The following YTHDF3 variants were observed in gnomAD, a reference collection of about 807,000 sequenced individuals.
YTHDF3 encodes the protein YTH domain-containing family protein 3.
YTHDF3 carries 9 observed loss-of-function variants against 52.5 expected under a neutral mutation model. The ratio of observed to expected loss-of-function variants is 0.17; its 90% CI spans 0.10 to 0.30. The LOEUF (loss-of-function observed/expected upper bound fraction) is 0.30. YTHDF3 is among the 10% of genes least tolerant of loss of function. YTHDF3 has a pLI of 1.00. For missense variants in YTHDF3, 534 were observed against 715.0 expected, an observed-to-expected ratio of 0.75 and a Z score of 2.89; for synonymous variants, 274 against 243.3, an observed-to-expected ratio of 1.13 and a Z score of -1.18.
chr8:63,175,414 C>G lies in YTHDF3; in HGVS notation c.133C>G (p.Gln45Glu), dbSNP rs112235239. The stretch of plus-strand genomic sequence containing the variant: ...GCCATACTTAAGTAGCCAGACAAAT[C>G]AGGTAAGTCTTCTGACAGTTTCAGA... ...FEPYLSSQTNQSNSYPPMSDP... is the reference protein window; with the variant it reads ...FEPYLSSQTNESNSYPPMSDP... The change falls in exon 3 of 5, where the codon CAG (glutamine) becomes GAG (glutamate). Residue 45 changes from glutamine (Q) to glutamate (E), a missense_variant and splice_region_variant. Gln to Glu is a conservative substitution (Grantham distance 29). Around this residue, in one of 3 missense-constraint regions of YTHDF3, gnomAD observed 196 missense variants for 299.5 expected, o/e 0.65. Coordinates refer to ENST00000539294, the MANE Select transcript of YTHDF3 (RefSeq NM_152758.6). 1.9e-6 allele frequency: 3 copies of G among 1,609,108 alleles called. No homozygotes were observed. Among genetic ancestry groups the G allele is most frequent in the African/African-American group, 1.3e-5 (1 of 74,812 alleles).
intron 4 of YTHDF3, among the ~76,000 whole-genome samples, chr8:63,206,280 C>T (rs1436277951): frequency 6.6e-6 from 1 of 152,072 alleles, no homozygotes; most frequent in African/African-American, 2.4e-5. Flanking sequence ...TCAGGCTGGT[C>T]TTGAACCCCC....
intron 4 of YTHDF3, among the ~76,000 whole-genome samples, chr8:63,199,917 C>T (rs1809489404): frequency 6.6e-6 from 1 of 152,118 alleles, no homozygotes. Flanking sequence ...AGTGTTTGGT[C>T]TGTTGTGAAT....
In YTHDF3 at chr8:63,210,588, T is replaced by C. The variant is rs930785805; in HGVS notation, c.*882T>C. ...CTGATTGCTATCATGAAGTAAAAAT[T>C]TATTACTCTAGGTATTCACTAGCTA... is the stretch of plus-strand genomic sequence containing the variant. On this transcript the variant is annotated 3_prime_UTR_variant, in exon 5 of 5. Transcript: ENST00000539294. The C allele has an allele frequency of 6.6e-6, 1 of 152,600 alleles. No individual in the cohort carries two copies. Among genetic ancestry groups the C allele is most frequent in the Admixed American group, 6.5e-5 (1 of 15,278 alleles). 9.5% of individuals were successfully genotyped at this position (152,600 alleles called of 1,614,324 possible).
chr8:63,203,947 C>CTTAAAGTGGTGTCTGCTAGGT (rs1809813469), intron 4 of YTHDF3, among the ~76,000 whole-genome samples: 1 of 152,154 alleles, frequency 6.6e-6, no homozygotes, highest in Admixed American at 6.5e-5. Context: ...ACTTCGATTG[C>CTTAAAGTGGTGTCTGCTAGGT]TTAAAGTGGT....
rs750253215 is a variant in YTHDF3 at position 63,209,708 on chromosome 8, C to A, written c.*2C>A. ...GAGAGAAATAGAAACAAACAATAACCGTATGAAGATGTCCTGTTAAATTTA... is the reference window on the plus strand; with the variant it reads ...GAGAGAAATAGAAACAAACAATAACAGTATGAAGATGTCCTGTTAAATTTA... On this transcript the variant is annotated 3_prime_UTR_variant, in exon 5 of 5. Transcript: ENST00000539294. The A allele has an allele frequency of 1.3e-6, 2 of 1,572,398 alleles. No homozygotes were observed. Among genetic ancestry groups the A allele is most frequent in the African/African-American group, 1.4e-5 (1 of 72,802 alleles).
chr8:63,208,108 TTTG>T (rs1810152895), intron 4 of YTHDF3, among the ~76,000 whole-genome samples: 1 of 152,218 alleles, frequency 6.6e-6, no homozygotes, highest in Admixed American at 6.5e-5. Flanking sequence ...TAGCTCTGTT[TTTG>T]TTATTTTAGT....
Position 63,168,627 on chromosome 8 carries a change from A to G in YTHDF3, c.-251A>G. The G allele has an allele frequency of 6.2e-6, 4 of 644,508 alleles. No homozygotes were observed. In the South Asian group the frequency reaches 7.5e-5, roughly 12 times the overall value. 39.9% of individuals were successfully genotyped at this position (644,508 alleles called of 1,614,324 possible). ...GGAGGCTCGGAGCGGAAGTGAGACTAGGGAGTCTGTCCGCCATTGTGGACC... is the reference window on the plus strand; with the variant it reads ...GGAGGCTCGGAGCGGAAGTGAGACTGGGGAGTCTGTCCGCCATTGTGGACC... On this transcript the variant is annotated 5_prime_UTR_variant, in exon 1 of 5. Transcript: ENST00000539294.
chr8:63,180,011 CCGGGCGGGGGG>C (rs1807989861), intron 3 of YTHDF3, among the ~76,000 whole-genome samples: 1 of 149,848 alleles, frequency 6.7e-6, no homozygotes, highest in South Asian at 2.1e-4. Flanking sequence ...GGGCGGCTGG[CCGGGCGGGGGG>C]CTGATCCCCC....
intron 4 of YTHDF3, 52 bp from the exon 5 acceptor site, chr8:63,209,627 TAATG>T: frequency 1.4e-6 from 2 of 1,472,644 alleles, no homozygotes; most frequent in Middle Eastern, 1.8e-4. Context: ...AATCTTTAAA[TAATG>T]AGAGTTTTTC....
rs1202770233 is a variant in YTHDF3 at position 63,211,086 on chromosome 8, G to T, written c.*1380G>T. On this transcript the variant is annotated 3_prime_UTR_variant, in exon 5 of 5. Transcript: ENST00000539294. The stretch of plus-strand genomic sequence containing the variant: ...ATTACTTCATTTATGTTTACATCAT[G>T]TTTAGAAATGTTTTCATTTACTGTG... 6.6e-6 allele frequency: 1 copy of T among 152,532 alleles called. No homozygotes were observed. Among genetic ancestry groups the T allele is most frequent in the Non-Finnish European group, 1.5e-5 (1 of 67,986 alleles). The allele number at this position is 152,532 out of a possible 1,614,324, so 9.4% of individuals were successfully genotyped here.
intron 3 of YTHDF3, among the ~76,000 whole-genome samples, chr8:63,179,292 A>G (rs993148428): frequency 5.3e-5 from 8 of 152,184 alleles, no homozygotes; most frequent in Admixed American, 3.9e-4. Flanking sequence ...GTCACAGGAC[A>G]ATAGTGCAGG....
intron 4 of YTHDF3, among the ~76,000 whole-genome samples, chr8:63,194,357 T>G (rs1250435700): frequency 6.6e-6 from 1 of 152,150 alleles, no homozygotes; most frequent in African/African-American, 2.4e-5. Flanking sequence ...TGGTGGCACA[T>G]GCCTGTAATC....
At chr8:63,180,793 G>A (rs949482347) in intron 3 of YTHDF3, among the ~76,000 whole-genome samples, 1 of 152,344 alleles carries the variant, frequency 6.6e-6, no homozygotes, top group South Asian at 2.1e-4. Flanking sequence ...CCAACACAGC[G>A]AAACCCCGTC....
chr8:63,182,461 C>CT (rs372993953), intron 3 of YTHDF3, among the ~76,000 whole-genome samples: 29 of 152,108 alleles, frequency 1.9e-4, no homozygotes, highest in African/African-American at 6.8e-4. Flanking sequence ...TTGTTGGCCT[C>CT]TTAGTTTGCT....
chr8:63,188,462 G>A (rs561735032), intron 4 of YTHDF3, among the ~76,000 whole-genome samples: 19 of 150,448 alleles, frequency 1.3e-4, no homozygotes, highest in Non-Finnish European at 2.1e-4. Context: ...GAGTAGCTGG[G>A]ACTACGGTCA....
intron 4 of YTHDF3, 56 bp from the exon 5 acceptor site, chr8:63,209,624 AAAT>A: frequency 6.8e-7 from 1 of 1,464,418 alleles, no homozygotes; most frequent in Non-Finnish European, 9.1e-7. Context: ...TTAAATCTTT[AAAT>A]AATGAGAGTT....
chr8:63,188,859 A>G (rs1808729939), intron 4 of YTHDF3: 1 of 151,108 alleles, frequency 6.6e-6, no homozygotes, highest in South Asian at 2.1e-4. Context: ...GATTACAGGC[A>G]CACGCCACCA....
At chr8:63,190,846 A>C (rs536894147) in intron 4 of YTHDF3, among the ~76,000 whole-genome samples, 88 of 152,200 alleles carry the variant, frequency 5.8e-4, no homozygotes, top group African/African-American at 2.0e-3. Context: ...ATCTCCTTTA[A>C]ATTTAATTCA....
intron 4 of YTHDF3, among the ~76,000 whole-genome samples, chr8:63,202,438 A>G (rs551505828): frequency 6.7e-6 from 1 of 149,074 alleles, no homozygotes; most frequent in South Asian, 2.1e-4. Context: ...GGTTTTATCC[A>G]TCTGTTACTG....
Sources: allele counts gnomAD v4.1 joint callset (sites outside exome capture counted in the v4.1 genomes callset), GRCh38; gene constraint gnomAD v4.1.1; regional missense constraint gnomAD v4.1.1; transcripts MANE v1.5; gene names NCBI Gene and HGNC (gene_info 2026-07-23, HGNC 2026-07-21).